RARB: variants seen among roughly 807,000 people sequenced by gnomAD.
RARB encodes HBV-activated protein.
Under a neutral mutation model 51.9 loss-of-function variants are expected in RARB, and 17 were observed. The ratio of observed to expected loss-of-function variants is 0.33; its 90% CI spans 0.22 to 0.49. The LOEUF (loss-of-function observed/expected upper bound fraction) is 0.49. RARB is among the 20% of genes least tolerant of loss of function. RARB has a pLI of 0.99. For missense variants in RARB, 369 were observed against 550.8 expected, an observed-to-expected ratio of 0.67 and a Z score of 3.30; for synonymous variants, 215 against 195.4, an observed-to-expected ratio of 1.10 and a Z score of -0.84.
At chr3:25,190,046 C>T (rs1701061908) in intron 5 of RARB, among the ~76,000 whole-genome samples, 1 of 151,936 alleles carries the variant, frequency 6.6e-6, no homozygotes, top group Non-Finnish European at 1.5e-5. Context: ...TCAGTTAAGC[C>T]CAATTTATTC....
At chr3:25,174,547 G>C (rs374139996) in exon 5 of RARB, 1 of 1,352,072 alleles carries the variant, frequency 7.4e-7, no homozygotes, top group Non-Finnish European at 9.8e-7. Context: ...ATCCGCCTCC[G>C]AGTGGATGCA....
At chr3:25,459,199 A>C (rs1330652974) in intron 1 of RARB, among the ~76,000 whole-genome samples, 1 of 152,218 alleles carries the variant, frequency 6.6e-6, no homozygotes, top group Non-Finnish European at 1.5e-5. Flanking sequence ...GAGAGAAATC[A>C]TCTCTGGGAA....
intron 2 of RARB, among the ~76,000 whole-genome samples, chr3:24,950,465 T>C (rs1695865546): frequency 6.6e-6 from 1 of 152,218 alleles, no homozygotes; most frequent in African/African-American, 2.4e-5. Flanking sequence ...TTTTACACTT[T>C]AATATATCCA....
intron 2 of RARB, among the ~76,000 whole-genome samples, chr3:25,494,281 G>GCACACACACACACACACACACA (rs1357425880): frequency 1.9e-5 from 1 of 51,604 alleles, no homozygotes; most frequent in African/African-American, 2.3e-4. Flanking sequence ...ACACACACAT[G>GCACACACACACACACACACACA]CCATCATTTA....
chr3:24,996,330 T>A (rs1261950485), intron 2 of RARB, among the ~76,000 whole-genome samples: 1 of 152,044 alleles, frequency 6.6e-6, no homozygotes, highest in Non-Finnish European at 1.5e-5. Context: ...TCTGATTTTG[T>A]TTGGTTCTTC....
chr3:25,286,373 A>T (rs548403719), intron 5 of RARB, among the ~76,000 whole-genome samples: 1 of 152,060 alleles, frequency 6.6e-6, no homozygotes, highest in South Asian at 2.1e-4. Flanking sequence ...CAGGCGTGAG[A>T]CACTGTGCCC....
At chr3:25,407,878 G>A (rs1033296348) in intron 5 of RARB, among the ~76,000 whole-genome samples, 1 of 152,048 alleles carries the variant, frequency 6.6e-6, no homozygotes, top group African/African-American at 2.4e-5. Context: ...AAATCCTCAA[G>A]CTCTCTTGCC....
intron 2 of RARB, among the ~76,000 whole-genome samples, chr3:25,055,007 C>T (rs1407516909): frequency 3.3e-5 from 5 of 152,088 alleles, no homozygotes; most frequent in African/African-American, 1.2e-4. Context: ...TGTACTGTCT[C>T]ATCAGTCTCT....
At chr3:24,909,359 C>T (rs987771503) in intron 2 of RARB, among the ~76,000 whole-genome samples, 28 of 152,126 alleles carry the variant, frequency 1.8e-4, no homozygotes, top group African/African-American at 6.5e-4. Flanking sequence ...GTAAATAGAG[C>T]AATATCAATA....
At chr3:25,039,598 G>A (rs955378717) in intron 2 of RARB, among the ~76,000 whole-genome samples, 6 of 152,192 alleles carry the variant, frequency 3.9e-5, no homozygotes, top group Non-Finnish European at 8.8e-5. Context: ...TGTTAAAATT[G>A]TACATTATTA....
intron 2 of RARB, among the ~76,000 whole-genome samples, chr3:24,920,458 A>G (rs1274287108): frequency 1.3e-5 from 2 of 152,190 alleles, no homozygotes; most frequent in African/African-American, 4.8e-5. Context: ...AATTTTCCAG[A>G]TCTCCCTTGA....
At chr3:25,004,429 C>T (rs1345776749) in intron 2 of RARB, among the ~76,000 whole-genome samples, 1 of 152,116 alleles carries the variant, frequency 6.6e-6, no homozygotes, top group Non-Finnish European at 1.5e-5. Flanking sequence ...AAGAGACCAG[C>T]ATCCAGTGGT....
intron 5 of RARB, among the ~76,000 whole-genome samples, chr3:25,264,111 ATT>A (rs1197541264): frequency 1.0e-4 from 1 of 10,012 alleles, no homozygotes; most frequent in Admixed American, 1.7e-3. Context: ...GGCATTGTTG[ATT>A]TTTTTTTTTA....
chr3:24,999,567 G>A (rs576103197), intron 2 of RARB, among the ~76,000 whole-genome samples: 9 of 152,062 alleles, frequency 5.9e-5, no homozygotes, highest in South Asian at 2.1e-4. Context: ...TGACATCATC[G>A]GCAGAAAAGA....
chr3:25,534,777 C>T (rs1699069835), intron 3 of RARB, among the ~76,000 whole-genome samples: 1 of 152,120 alleles, frequency 6.6e-6, no homozygotes, highest in Admixed American at 6.5e-5. Context: ...GCACCTAAGC[C>T]ATCATCTTTA....
chr3:24,957,060 G>A (rs956843298), intron 2 of RARB, among the ~76,000 whole-genome samples: 1 of 152,190 alleles, frequency 6.6e-6, no homozygotes, highest in Non-Finnish European at 1.5e-5. Flanking sequence ...CCCCTGGAGA[G>A]GAGTAATATT....
chr3:25,205,957 G>A (rs1701532984), intron 5 of RARB, among the ~76,000 whole-genome samples: 1 of 152,024 alleles, frequency 6.6e-6, no homozygotes, highest in Non-Finnish European at 1.5e-5. Flanking sequence ...TAGGCTTTAT[G>A]TCAGATGATT....
At chr3:25,275,664 T>C (rs1703364678) in intron 5 of RARB, among the ~76,000 whole-genome samples, 1 of 152,092 alleles carries the variant, frequency 6.6e-6, no homozygotes, top group South Asian at 2.1e-4. Context: ...TGGTCATAGC[T>C]GAATCTCTAA....
intron 5 of RARB, among the ~76,000 whole-genome samples, chr3:25,356,829 G>A (rs542744015): frequency 7.9e-5 from 12 of 152,182 alleles, no homozygotes; most frequent in African/African-American, 2.6e-4. Context: ...CCATGTCCCT[G>A]CAAAGAACAT....
Sources: allele counts gnomAD v4.1 joint callset (sites outside exome capture counted in the v4.1 genomes callset), GRCh38; gene constraint gnomAD v4.1.1; transcripts MANE v1.5; gene names NCBI Gene and HGNC (gene_info 2026-07-23, HGNC 2026-07-21).